The following CD83 variants were observed in gnomAD, a reference collection of about 807,000 sequenced individuals.
CD83 encodes CD83 antigen.
CD83 carries 22 observed loss-of-function variants against 24.6 expected under a neutral mutation model. That is an observed-to-expected ratio of 0.90 (90% CI 0.64 to 1.28). The LOEUF (loss-of-function observed/expected upper bound fraction) is 1.28. Ranked by LOEUF, CD83 falls within the 50% of genes most tolerant of loss-of-function variation. The probability of loss-of-function intolerance (pLI) is 0.00; values close to 1 mark genes in which losing one functional copy is unlikely to be tolerated. For missense variants in CD83, 253 were observed against 252.8 expected, an observed-to-expected ratio of 1.00 and a Z score of -0.01; for synonymous variants, 101 against 103.5, an observed-to-expected ratio of 0.98 and a Z score of 0.14.
chr6:14,129,717 A>C lies in CD83; in HGVS notation c.154-1803A>C, dbSNP rs1759902176. 6.6e-6 allele frequency among the ~76,000 whole-genome samples: 1 copy of C among 152,190 alleles called. No homozygotes were observed. The highest frequency in any genetic ancestry group is 1.5e-5 in the Non-Finnish European group (1 of 68,032). Reference sequence around the variant, plus strand: ...TTCTTGCAGGAGCGATCAATCTGCCACCAGATGTCTCTGTAGCCCACTCTA... The same window carrying C: ...TTCTTGCAGGAGCGATCAATCTGCCCCCAGATGTCTCTGTAGCCCACTCTA... On this transcript the variant is annotated intron_variant, in intron 2 of 4. Transcript: ENST00000379153. This position sits in a 1 kb window ranked among gnomAD's most constrained non-coding sequence, Gnocchi z 4.3.
At chr6:14,123,430 A>G (rs1293286851) in intron 2 of CD83, among the ~76,000 whole-genome samples, 1 of 152,248 alleles carries the variant, frequency 6.6e-6, no homozygotes, top group Non-Finnish European at 1.5e-5. Context: ...AGACAATGGC[A>G]TAATGCAAAA....
intron 2 of CD83, among the ~76,000 whole-genome samples, chr6:14,126,599 T>A (rs906632195): frequency 6.6e-6 from 1 of 152,244 alleles, no homozygotes; most frequent in Non-Finnish European, 1.5e-5. Flanking sequence ...TTAGACCCAG[T>A]AAATTTCAAA....
chr6:14,130,662 G>A (rs1757872357), intron 2 of CD83, among the ~76,000 whole-genome samples: 1 of 152,168 alleles, frequency 6.6e-6, no homozygotes, highest in African/African-American at 2.4e-5. Context: ...TGACTCAGGA[G>A]GCCAAGGGTG....
intron 2 of CD83, among the ~76,000 whole-genome samples, chr6:14,120,683 A>G (rs1204616844): frequency 6.6e-6 from 1 of 152,256 alleles, no homozygotes; most frequent in Non-Finnish European, 1.5e-5. Flanking sequence ...TATGGTTATA[A>G]TGACTCACAA....
intron 2 of CD83, among the ~76,000 whole-genome samples, chr6:14,120,129 G>A (rs1310395368): frequency 2.6e-5 from 4 of 152,168 alleles, no homozygotes; most frequent in South Asian, 2.1e-4. Context: ...AAGTCATACC[G>A]TAGTTATTTT....
chr6:14,122,624 A>C (rs749823595), intron 2 of CD83, among the ~76,000 whole-genome samples: 1 of 152,214 alleles, frequency 6.6e-6, no homozygotes, highest in South Asian at 2.1e-4. Context: ...TATGAAAACA[A>C]TGTATGTTAG....
chr6:14,128,323 A>G (rs972781824), intron 2 of CD83, among the ~76,000 whole-genome samples: 3 of 152,152 alleles, frequency 2.0e-5, no homozygotes, highest in Non-Finnish European at 4.4e-5. Flanking sequence ...TGATCCTGCT[A>G]GGGCCCCACC....
intron 2 of CD83, among the ~76,000 whole-genome samples, chr6:14,118,707 C>G (rs936259259): frequency 6.6e-6 from 1 of 152,284 alleles, no homozygotes; most frequent in South Asian, 2.1e-4. Flanking sequence ...AAGAACAGGC[C>G]TTGCTGCTCC....
At chr6:14,135,077 T>C (rs1457940345) in intron 4 of CD83, 31 bp from the exon 5 acceptor site, 1 of 1,611,318 alleles carries the variant, frequency 6.2e-7, no homozygotes, top group Non-Finnish European at 8.5e-7. Context: ...TTTCCAATTA[T>C]TCACTTCACA....
At chr6:14,124,265 A>G (rs185772326) in intron 2 of CD83, among the ~76,000 whole-genome samples, 4 of 152,276 alleles carry the variant, frequency 2.6e-5, no homozygotes, top group East Asian at 3.9e-4. Flanking sequence ...AATTGGGACA[A>G]TTTGGAGAAG....
intron 2 of CD83, among the ~76,000 whole-genome samples, chr6:14,122,763 T>C (rs1458483712): frequency 2.0e-5 from 3 of 152,246 alleles, no homozygotes; most frequent in African/African-American, 4.8e-5. Context: ...ATGTCTCTCA[T>C]ATTTACACTT....
In CD83 at chr6:14,124,788, G is replaced by A. The variant is rs192818974; in HGVS notation, c.153+6723G>A. Among the ~76,000 whole-genome samples the A allele has an allele frequency of 2.5e-4, 38 of 152,252 alleles. No individual in the cohort carries two copies. The East Asian group carries it at 6.2e-3, about 25-fold the overall frequency. ...AGTTCACATTTCAGTTATGGATGGC[G>A]TTGTGGCTTGAATTGTGCCCCCCCC... On this transcript the variant is annotated intron_variant, in intron 2 of 4. Coordinates refer to ENST00000379153, the MANE Select transcript of CD83 (RefSeq NM_004233.4).
chr6:14,124,059 G>A (rs948982576), intron 2 of CD83, among the ~76,000 whole-genome samples: 1 of 152,326 alleles, frequency 6.6e-6, no homozygotes, highest in Middle Eastern at 3.4e-3. Flanking sequence ...AAATAGAGCT[G>A]GGCAGAAAAT....
rs969000333 is a variant in CD83 at position 14,136,412 on chromosome 6, G to T, written c.*1176G>T. On this transcript the variant is annotated 3_prime_UTR_variant, in exon 5 of 5. Coordinates refer to ENST00000379153, the MANE Select transcript of CD83 (RefSeq NM_004233.4). The stretch of plus-strand genomic sequence containing the variant: ...GCCAGGTCCACGGTCTGTTCTTGAA[G>T]CAGTAGCCTAACACACTCCAAGATA... 6 of 152,192 alleles carry T rather than the reference G, an allele frequency of 3.9e-5. No homozygotes were observed. Among genetic ancestry groups the T allele is most frequent in the Non-Finnish European group, 8.8e-5 (6 of 68,040 alleles). 9.4% of individuals were successfully genotyped at this position (152,192 alleles called of 1,614,324 possible).
intron 2 of CD83, among the ~76,000 whole-genome samples, chr6:14,125,832 T>C (rs1426523037): frequency 2.6e-5 from 4 of 152,202 alleles, no homozygotes; most frequent in Non-Finnish European, 5.9e-5. Flanking sequence ...TTTGAAGACA[T>C]CATATGTGGA....
intron 2 of CD83, among the ~76,000 whole-genome samples, chr6:14,127,946 C>T (rs3799925): frequency 6.6e-6 from 1 of 152,070 alleles, no homozygotes; most frequent in Admixed American, 6.6e-5. Context: ...CATTGTGAAG[C>T]GTGCATTAAA....
chr6:14,126,589 T>C (rs577036571), intron 2 of CD83, among the ~76,000 whole-genome samples: 2 of 152,202 alleles, frequency 1.3e-5, no homozygotes, highest in Non-Finnish European at 2.9e-5. Context: ...GCTCTGTCTG[T>C]TAGACCCAGT....
Position 14,129,833 on chromosome 6 carries a change from CTG to C in CD83, c.154-1657_154-1656del, listed in dbSNP as rs58361945. On this transcript the variant is annotated intron_variant, in intron 2 of 4. Coordinates refer to ENST00000379153, the MANE Select transcript of CD83 (RefSeq NM_004233.4). This position sits in a 1 kb window ranked among gnomAD's most constrained non-coding sequence, Gnocchi z 4.3. ...GAATTAATAAATGAAGCAGAAATGA[CTG>C]TGTGTGTGTGTGTGTGTGTGTGTGT... is the stretch of plus-strand genomic sequence containing the variant. Among the ~76,000 whole-genome samples the C allele has an allele frequency of 0.066, 9,653 of 147,300 alleles. 821 individuals carry two copies. The highest frequency in any genetic ancestry group is 0.2 in the African/African-American group (8,200 of 40,328).
In CD83 at chr6:14,117,905, C is replaced by T. The variant is rs1238079827; in HGVS notation, c.38-45C>T. On this transcript the variant is annotated intron_variant, in intron 1 of 4. Coordinates refer to ENST00000379153, the MANE Select transcript of CD83 (RefSeq NM_004233.4). The surrounding 1 kb of genome is among the most constrained non-coding windows in gnomAD (Gnocchi z 4.6). Reference sequence around the variant, plus strand: ...GCCCCCCGCCCCTCCACGACACCCCCTCCCGTCGGTCGCTTGCTCACGACG... The same window carrying T: ...GCCCCCCGCCCCTCCACGACACCCCTTCCCGTCGGTCGCTTGCTCACGACG... 9 of 1,584,598 alleles carry T rather than the reference C, an allele frequency of 5.7e-6. No individual in the cohort carries two copies. In the African/African-American group the frequency reaches 6.7e-5, roughly 12 times the overall value.
Sources: allele counts gnomAD v4.1 joint callset (sites outside exome capture counted in the v4.1 genomes callset), GRCh38; gene constraint gnomAD v4.1.1; non-coding constraint Gnocchi (gnomAD v3.1); transcripts MANE v1.5; gene names NCBI Gene and HGNC (gene_info 2026-07-23, HGNC 2026-07-21).